Variants in USP36 observed in about 807,000 individuals in gnomAD.
The protein encoded by USP36 is ubiquitin carboxyl-terminal hydrolase 36.
USP36 carries 59 observed loss-of-function variants against 111.5 expected under a neutral mutation model. The observed-to-expected ratio is 0.53, with a 90% CI of 0.43 to 0.66. The LOEUF (loss-of-function observed/expected upper bound fraction) is 0.66, where lower values mean the gene tolerates loss of function less well. USP36 is among the 30% of genes least tolerant of loss of function. The pLI is 0.00. For missense variants in USP36, 1,488 were observed against 1,468.0 expected (o/e 1.01, Z -0.22); for synonymous variants, 628 against 581.0 (o/e 1.08, Z -1.16).
At chr17:78,832,727 G>A (rs925866337) in intron 4 of USP36, among the ~76,000 whole-genome samples, 1 of 152,200 alleles carries the variant, frequency 6.6e-6, no homozygotes, top group Non-Finnish European at 1.5e-5. Flanking sequence ...GGATAGCAGA[G>A]TCTTACTGCC....
intron 2 of USP36, 42 bp downstream of exon 2, chr17:78,838,545 T>G (rs1191769673): frequency 6.6e-6 from 1 of 152,068 alleles, no homozygotes; most frequent in Non-Finnish European, 1.5e-5. Flanking sequence ...ATGCAGACAA[T>G]TCAACGGAAT....
chr17:78,834,793 A>C (rs895516405), intron 4 of USP36, among the ~76,000 whole-genome samples: 3 of 151,894 alleles, frequency 2.0e-5, no homozygotes, highest in Admixed American at 6.6e-5. Context: ...TATAATACAC[A>C]TAAGATATGC....
Position 78,802,385 on chromosome 17 carries a change from A to C in USP36, c.2961T>G (p.Val987=), listed in dbSNP as rs1401707187. ...CPRSAKPQDA[V]VPESSSCAPS... ...GTGCGCAGCTGCTGGACTCGGGGAC[A>C]ACAGCATCTTGGGGCTTGGCACTCC... The change falls in exon 17 of 21, where the codon GTT becomes GTG. Residue 987 remains valine (V), a synonymous_variant. Coordinates refer to ENST00000449938, the MANE Select transcript of USP36 (RefSeq NM_001385174.1). The C allele has an allele frequency of 1.2e-6, 2 of 1,609,004 alleles. No individual in the cohort carries two copies. The highest frequency in any genetic ancestry group is 2.2e-5 in the South Asian group (2 of 90,206).
At chr17:78,816,774 G>C (rs558890441) in intron 10 of USP36, among the ~76,000 whole-genome samples, 1 of 152,220 alleles carries the variant, frequency 6.6e-6, no homozygotes, top group Admixed American at 6.5e-5. Context: ...ATTGTGCCCA[G>C]CCTAAATCAT....
At chr17:78,806,360 TA>T (rs1162169040) in intron 14 of USP36, 74 bp from the exon 15 acceptor site, 14 of 1,561,686 alleles carry the variant, frequency 9.0e-6, no homozygotes, top group Non-Finnish European at 1.0e-5. Context: ...AAAACAAAAG[TA>T]ACAAAAAATG....
At chr17:78,829,445 G>A (rs1457812961) in intron 4 of USP36, among the ~76,000 whole-genome samples, 1 of 152,226 alleles carries the variant, frequency 6.6e-6, no homozygotes, top group Admixed American at 6.5e-5. Context: ...CCCCTTAGTA[G>A]TGCCTCAGAT....
At chr17:78,838,478 T>C (rs1230483241) in intron 2 of USP36, 109 bp downstream of exon 2, 1 of 152,094 alleles carries the variant, frequency 6.6e-6, no homozygotes, top group African/African-American at 2.4e-5. Context: ...AAAAGAGCCT[T>C]TTCTCATGAG....
downstream of USP36, among the ~76,000 whole-genome samples, chr17:78,794,328 A>T (rs77095877): frequency 8.3e-4 from 126 of 152,282 alleles, no homozygotes; most frequent in African/African-American, 2.8e-3. Context: ...TTCTTGTCCA[A>T]ACTGTCAAAC....
chr17:78,806,312 C>T (rs1598997179), intron 14 of USP36, 26 bp from the exon 15 acceptor site: 1 of 1,612,876 alleles, frequency 6.2e-7, no homozygotes, highest in East Asian at 2.2e-5. Context: ...TAAATAAAAA[C>T]TTGGTGGTCT....
chr17:78,831,011 G>A (rs565176827), intron 4 of USP36, among the ~76,000 whole-genome samples: 126 of 151,710 alleles, frequency 8.3e-4, no homozygotes, highest in African/African-American at 3.0e-3. Context: ...TGGATCGCGA[G>A]GTCAGGAGGT....
intron 4 of USP36, among the ~76,000 whole-genome samples, chr17:78,833,166 A>G (rs1280028235): frequency 6.6e-6 from 1 of 152,094 alleles, no homozygotes; most frequent in Non-Finnish European, 1.5e-5. Context: ...GCCCCCAAAC[A>G]ATGTGCTGCT....
chr17:78,838,947 G>A (rs774847031), intron 1 of USP36, among the ~76,000 whole-genome samples, 197 bp from the exon 2 acceptor site: 11 of 152,114 alleles, frequency 7.2e-5, no homozygotes, highest in Non-Finnish European at 1.6e-4. Context: ...CACACGATAT[G>A]AACACCTTAA....
At chr17:78,824,562 A>T (rs2067364979) in intron 6 of USP36, among the ~76,000 whole-genome samples, 3 of 152,236 alleles carry the variant, frequency 2.0e-5, no homozygotes, top group Admixed American at 2.0e-4. Context: ...TGGTTTATGT[A>T]CAAAGGTAGC....
In USP36 at chr17:78,798,254, A is replaced by G. The variant is rs1244359435; in HGVS notation, c.*20+146T>C. On this transcript the variant is annotated intron_variant, in intron 20 of 20. Transcript: ENST00000449938. This position sits in a 1 kb window ranked among gnomAD's most constrained non-coding sequence, Gnocchi z 5.1. ...TAGGACACACACCACAGACGCGCCC[A>G]CACCACACACACCACCCAACACACA... 3 of 1,098,496 alleles carry G rather than the reference A, an allele frequency of 2.7e-6. No homozygotes were observed. The highest frequency in any genetic ancestry group is 5.2e-5 in the East Asian group (2 of 38,662). The allele number at this position is 1,098,496 out of a possible 1,614,324, so 68.0% of individuals were successfully genotyped here. A position where few individuals can be genotyped will look rare whatever the true frequency, so the allele number is the denominator to read the frequency against.
chr17:78,799,658 A>G lies in USP36; in HGVS notation c.3124+9T>C, dbSNP rs1241780676. 6.2e-7 allele frequency: 1 copy of G among 1,611,620 alleles called. No individual in the cohort carries two copies. The highest frequency in any genetic ancestry group is 1.7e-5 in the Admixed American group (1 of 59,580). ...AAGGCAAACAGAAGTCCTGTCTCCA[A>G]ATCAGTACCTTTTCTCCCGTAAGCT... On this transcript the variant is annotated intron_variant, in intron 18 of 20. Transcript: ENST00000449938.
intron 6 of USP36, chr17:78,826,851 T>C (rs761188351): frequency 2.3e-5 from 13 of 556,290 alleles, no homozygotes; most frequent in Admixed American, 3.1e-5. Flanking sequence ...GAGACCTCAT[T>C]CCTACCACCC....
intron 10 of USP36, among the ~76,000 whole-genome samples, chr17:78,815,740 T>G (rs977724895): frequency 6.6e-6 from 1 of 152,160 alleles, no homozygotes; most frequent in East Asian, 1.9e-4. Context: ...ATACATAACA[T>G]GCATACATAT....
intron 17 of USP36, among the ~76,000 whole-genome samples, chr17:78,800,826 G>A (rs939229439): frequency 3.9e-5 from 6 of 152,164 alleles, no homozygotes; most frequent in Middle Eastern, 3.2e-3. Flanking sequence ...GGCCCAGGGC[G>A]CACTTCAGTA....
chr17:78,828,016 G>A lies in USP36; in HGVS notation c.587-669C>T, dbSNP rs2067732753. On this transcript the variant is annotated intron_variant, in intron 5 of 20. Coordinates refer to ENST00000449938, the MANE Select transcript of USP36 (RefSeq NM_001385174.1). ...AGGCAGGAGGATCGCTTGGAGCTGG[G>A]AGTTGGAGACCAGCCTGGGCAACAT... Among the ~76,000 whole-genome samples, 4 of 152,180 alleles carry A rather than the reference G, an allele frequency of 2.6e-5. No homozygotes were observed. The South Asian group carries it at 8.3e-4, about 31-fold the overall frequency.
Sources: allele counts gnomAD v4.1 joint callset (sites outside exome capture counted in the v4.1 genomes callset), GRCh38; gene constraint gnomAD v4.1.1; non-coding constraint Gnocchi (gnomAD v3.1); transcripts MANE v1.5; gene names NCBI Gene and HGNC (gene_info 2026-07-23, HGNC 2026-07-21).